The following SAMD12 variants were observed in gnomAD, a reference collection of about 807,000 sequenced individuals.
SAMD12 encodes sterile alpha motif domain-containing protein 12.
Under a neutral mutation model 15.0 loss-of-function variants are expected in SAMD12, and 9 were observed. The ratio of observed to expected loss-of-function variants is 0.60; its 90% CI spans 0.36 to 1.05. SAMD12 has a LOEUF of 1.05. Among genes scored for constraint, SAMD12 ranks in the 50% least tolerant of loss-of-function variants. SAMD12 has a pLI of 0.01. For missense variants in SAMD12, 230 were observed against 234.2 expected (o/e 0.98, Z 0.12); for synonymous variants, 86 against 90.1 (o/e 0.96, Z 0.25).
intron 1 of SAMD12, among the ~76,000 whole-genome samples, chr8:118,588,323 T>C (rs961887568): frequency 4.6e-5 from 7 of 152,178 alleles, no homozygotes; most frequent in African/African-American, 1.4e-4. Flanking sequence ...CAACATCTCC[T>C]TGGGCAAAGG....
At chr8:118,288,300 G>C (rs1266177595) in intron 4 of SAMD12, 5 of 152,150 alleles carry the variant, frequency 3.3e-5, no homozygotes, top group Non-Finnish European at 7.3e-5. Flanking sequence ...GTCTAGTGGA[G>C]CTGGGGCCAA....
chr8:118,613,048 G>A (rs549177340), intron 1 of SAMD12, among the ~76,000 whole-genome samples: 20 of 152,336 alleles, frequency 1.3e-4, no homozygotes, highest in African/African-American at 4.6e-4. Flanking sequence ...GGGGCTGTGG[G>A]TAGAGGGAAG....
At chr8:118,248,835 T>A (rs1348704443) in intron 4 of SAMD12, among the ~76,000 whole-genome samples, 1 of 152,182 alleles carries the variant, frequency 6.6e-6, no homozygotes, top group Non-Finnish European at 1.5e-5. Flanking sequence ...AATACAGCTA[T>A]GAGCTCTTTT....
At chr8:118,209,271 T>C (rs1243348258) in intron 4 of SAMD12, among the ~76,000 whole-genome samples, 1 of 152,132 alleles carries the variant, frequency 6.6e-6, no homozygotes, top group Non-Finnish European at 1.5e-5. Flanking sequence ...TTCCCCAAAA[T>C]GAGAAACTGC....
chr8:118,342,596 G>T lies in SAMD12; in HGVS notation c.433+36964C>A, dbSNP rs181489418. On this transcript the variant is annotated intron_variant, in intron 4 of 4. Transcript: ENST00000409003. ...GAACTAGAAATGTAAGATGACGATGGAAGTACTGACTTAATGCCCCAAAGG... is the reference window on the plus strand; with the variant it reads ...GAACTAGAAATGTAAGATGACGATGTAAGTACTGACTTAATGCCCCAAAGG... 5.1e-4 allele frequency among the ~76,000 whole-genome samples: 78 copies of T among 152,300 alleles called. 1 individual carries two copies. The highest frequency in any genetic ancestry group is 3.4e-3 in the Middle Eastern group (1 of 294).
intron 3 of SAMD12, among the ~76,000 whole-genome samples, chr8:118,405,361 C>G (rs1047258508): frequency 6.6e-6 from 1 of 152,006 alleles, no homozygotes; most frequent in East Asian, 1.9e-4. Flanking sequence ...TGGAATGTTT[C>G]AACAATGAAC....
chr8:118,535,843 T>C (rs978499696), intron 2 of SAMD12, among the ~76,000 whole-genome samples: 2 of 152,244 alleles, frequency 1.3e-5, no homozygotes, highest in African/African-American at 4.8e-5. Context: ...AGGTGCCTTC[T>C]GTCACGGCTC....
chr8:118,171,626 G>C, the SAMD12 span, among the ~76,000 whole-genome samples: 1 of 152,070 alleles, frequency 6.6e-6, no homozygotes, highest in South Asian at 2.1e-4. Context: ...AAATGTCTGG[G>C]ATAGACAGAT....
At chr8:118,590,584 G>A (rs895549419) in intron 1 of SAMD12, among the ~76,000 whole-genome samples, 1 of 152,228 alleles carries the variant, frequency 6.6e-6, no homozygotes, top group Non-Finnish European at 1.5e-5. Context: ...ATTGAGCGGG[G>A]AACCTGGATT....
rs1261698019 is a variant in SAMD12, at chr8:118,191,760, A to ATTTT, written c.*5949_*5950insAAAA. On this transcript the variant is annotated 3_prime_UTR_variant, in exon 5 of 5. Coordinates refer to the SAMD12 transcript ENST00000409003. ...GTTGAAAAAAAATACTGGAGATTATATATATATATATATATATATATATAT... is the reference window on the plus strand; with the variant it reads ...GTTGAAAAAAAATACTGGAGATTATATTTTTATATATATATATATATATATATAT... 7.0e-4 allele frequency: 6 copies of ATTTT among 8,516 alleles called. No individual in the cohort carries two copies. The South Asian group carries it at 0.03, about 43-fold the overall frequency. 0.5% of individuals were successfully genotyped at this position (8,516 alleles called of 1,614,324 possible).
At chr8:118,502,758 A>C (rs1824820201) in intron 2 of SAMD12, among the ~76,000 whole-genome samples, 1 of 152,264 alleles carries the variant, frequency 6.6e-6, no homozygotes, top group Admixed American at 6.5e-5. Flanking sequence ...AGGCTTTTGC[A>C]GCACTGAATT....
the SAMD12 span, among the ~76,000 whole-genome samples, chr8:118,138,654 G>A: frequency 6.6e-6 from 1 of 152,162 alleles, no homozygotes; most frequent in Admixed American, 6.5e-5. Flanking sequence ...AAGCCTGAAT[G>A]GACTAAGATG....
chr8:118,307,911 C>T lies in SAMD12; in HGVS notation c.433+71649G>A, dbSNP rs577649023. Among the ~76,000 whole-genome samples, 12 of 152,298 alleles carry T rather than the reference C, an allele frequency of 7.9e-5. No individual in the cohort carries two copies. In the South Asian group the frequency reaches 2.3e-3, roughly 29 times the overall value. On this transcript the variant is annotated intron_variant, in intron 4 of 4. Coordinates refer to the SAMD12 transcript ENST00000409003. The stretch of plus-strand genomic sequence containing the variant: ...AGGCGAGGTCAGGGTATTTCTTCCC[C>T]CGGCCTCCTTCACTGTAGGTGGCCA...
chr8:118,299,002 T>C (rs1434023174), intron 4 of SAMD12, among the ~76,000 whole-genome samples: 1 of 152,172 alleles, frequency 6.6e-6, no homozygotes, highest in Non-Finnish European at 1.5e-5. Context: ...TGGTTTCATA[T>C]AAGGTAGTGT....
chr8:118,603,340 A>G (rs1296904264), intron 1 of SAMD12, among the ~76,000 whole-genome samples: 2 of 152,204 alleles, frequency 1.3e-5, no homozygotes, highest in Non-Finnish European at 2.9e-5. Flanking sequence ...GGAATTTCTG[A>G]ACACTCAGAC....
At position 118,378,497 on chromosome 8, in the gene SAMD12, T is replaced by C; in HGVS notation, c.*920A>G. 1.0e-6 allele frequency: 1 copy of C among 984,524 alleles called. No individual in the cohort carries two copies. Among genetic ancestry groups the C allele is most frequent in the Non-Finnish European group, 1.2e-6 (1 of 829,118 alleles). 61.0% of individuals were successfully genotyped at this position (984,524 alleles called of 1,614,324 possible). The stretch of plus-strand genomic sequence containing the variant: ...TTTACGATCACTTGAAATCTATATT[T>C]ATCCTTCTAGAATAGTCATCTTTCA... On this transcript the variant is annotated 3_prime_UTR_variant, in exon 4 of 4. Transcript: ENST00000314727.
At chr8:118,287,527 G>T (rs1287091166) in intron 4 of SAMD12, among the ~76,000 whole-genome samples, 1 of 152,172 alleles carries the variant, frequency 6.6e-6, no homozygotes, top group African/African-American at 2.4e-5. Context: ...AAATATTTGG[G>T]ATAGTGCCGG....
intron 1 of SAMD12, among the ~76,000 whole-genome samples, chr8:118,611,732 C>T (rs1360856238): frequency 6.6e-6 from 1 of 152,174 alleles, no homozygotes; most frequent in African/African-American, 2.4e-5. Flanking sequence ...ATTAGGGCAA[C>T]TGTTTGTCTA....
intron 3 of SAMD12, among the ~76,000 whole-genome samples, chr8:118,389,459 C>G (rs1234264570): frequency 6.6e-6 from 1 of 152,162 alleles, no homozygotes; most frequent in Non-Finnish European, 1.5e-5. Flanking sequence ...CCTACGCAGC[C>G]CAGCATTTTG....
Sources: allele counts gnomAD v4.1 joint callset (sites outside exome capture counted in the v4.1 genomes callset), GRCh38; gene constraint gnomAD v4.1.1; transcripts MANE v1.5; gene names NCBI Gene and HGNC (gene_info 2026-07-23, HGNC 2026-07-21).